LRP1B: variants seen among roughly 807,000 people sequenced by gnomAD.
LRP1B encodes low-density lipoprotein receptor-related protein 1B.
A neutral mutation model predicts 556.6 loss-of-function variants in LRP1B; 217 were observed. The observed-to-expected ratio is 0.39, with a 90% CI of 0.35 to 0.44. The LOEUF is 0.44. Among genes scored for constraint, LRP1B ranks in the 20% least tolerant of loss-of-function variants. The pLI, the probability that LRP1B is intolerant of heterozygous loss-of-function variation, is 1.00. For synonymous variants in LRP1B, 2,047 were observed against 1,865.8 expected (o/e 1.10, Z -2.50); for missense variants, 5,053 against 5,620.8 (o/e 0.90, Z 3.23).
intron 7 of LRP1B, among the ~76,000 whole-genome samples, chr2:141,115,125 G>A (rs1378295365): frequency 1.4e-5 from 2 of 147,054 alleles, no homozygotes; most frequent in Non-Finnish European, 3.0e-5. Flanking sequence ...AGTGGATAAT[G>A]TTCTTTGGTC....
At chr2:141,629,368 C>G (rs866691452) in intron 2 of LRP1B, among the ~76,000 whole-genome samples, 7 of 152,132 alleles carry the variant, frequency 4.6e-5, no homozygotes, top group Non-Finnish European at 1.0e-4. Flanking sequence ...AGCTAAACCC[C>G]CCTACACTAA....
At chr2:140,852,909 A>G (rs1214440163) in intron 27 of LRP1B, among the ~76,000 whole-genome samples, 1 of 151,952 alleles carries the variant, frequency 6.6e-6, no homozygotes, top group African/African-American at 2.4e-5. Flanking sequence ...ATCTAGTAGA[A>G]AAAAGTCACT....
At chr2:141,120,284 G>A (rs1488359811) in intron 7 of LRP1B, among the ~76,000 whole-genome samples, 1 of 151,860 alleles carries the variant, frequency 6.6e-6, no homozygotes, top group South Asian at 2.1e-4. Flanking sequence ...TTGTTGTTGA[G>A]AATTTAATAG....
At chr2:140,481,622 T>TA (rs70985100) in intron 59 of LRP1B, among the ~76,000 whole-genome samples, 1 of 148,194 alleles carries the variant, frequency 6.7e-6, no homozygotes, top group Non-Finnish European at 1.5e-5. Context: ...TTATTATTAT[T>TA]TGGGAACTCC....
intron 3 of LRP1B, among the ~76,000 whole-genome samples, chr2:141,263,415 T>C (rs1684773673): frequency 6.6e-6 from 1 of 151,860 alleles, no homozygotes; most frequent in Non-Finnish European, 1.5e-5. Flanking sequence ...TTAGAGGAAA[T>C]AGAGAAGTTT....
In LRP1B at chr2:140,238,196, C is replaced by A; in HGVS notation, c.13516G>T (p.Asp4506Tyr). The change falls in exon 89 of 91, where the codon GAT (aspartate) becomes TAT (tyrosine). Residue 4506 changes from aspartate to tyrosine, a missense_variant. Asp to Tyr is a radical substitution (Grantham distance 160, BLOSUM62 -3). Around this residue, in one of 5 missense-constraint regions of LRP1B, gnomAD observed 551 missense variants for 592.0 expected, o/e 0.93. Transcript: ENST00000389484. The stretch of plus-strand genomic sequence containing the variant: ...AAGCCAGGATCTAAAAGACCTCCAT[C>A]GTTGTGATCATGATCTACCTCATAC... ...NMYEVDHDHN[D>Y]GGLLDPGFMI... 6.2e-7 allele frequency: 1 copy of A among 1,605,352 alleles called. No homozygotes were observed. The highest frequency in any genetic ancestry group is 8.5e-7 in the Non-Finnish European group (1 of 1,174,540).
At chr2:140,982,354 T>G in intron 17 of LRP1B, 78 bp from the exon 18 acceptor site, 1 of 847,440 alleles carries the variant, frequency 1.2e-6, no homozygotes, top group Non-Finnish European at 2.0e-6. Flanking sequence ...GCATGCAATA[T>G]TCCTTTCATA....
chr2:140,564,719 A>C (rs1052386485), intron 43 of LRP1B, among the ~76,000 whole-genome samples: 1 of 152,106 alleles, frequency 6.6e-6, no homozygotes, highest in Non-Finnish European at 1.5e-5. Context: ...TAGAGAAACA[A>C]ATATATACAG....
chr2:142,075,553 C>T (rs906101130), intron 1 of LRP1B, among the ~76,000 whole-genome samples: 1 of 152,056 alleles, frequency 6.6e-6, no homozygotes, highest in African/African-American at 2.4e-5. Flanking sequence ...CACAGGGTCA[C>T]GTACATGAGG....
At chr2:140,732,512 G>C (rs1197502088) in intron 35 of LRP1B, among the ~76,000 whole-genome samples, 1 of 152,050 alleles carries the variant, frequency 6.6e-6, no homozygotes, top group Non-Finnish European at 1.5e-5. Context: ...ACATGAGCTA[G>C]GTTTTGGATA....
intron 2 of LRP1B, among the ~76,000 whole-genome samples, chr2:141,776,021 T>C (rs1695059098): frequency 6.6e-6 from 1 of 151,652 alleles, no homozygotes; most frequent in Non-Finnish European, 1.5e-5. Flanking sequence ...TTTTTTTTTG[T>C]ATTTTTAGTA....
chr2:141,245,841 T>A (rs1466089423), intron 5 of LRP1B, among the ~76,000 whole-genome samples: 1 of 152,174 alleles, frequency 6.6e-6, no homozygotes, highest in Non-Finnish European at 1.5e-5. Flanking sequence ...ATTTTAGTAA[T>A]TTTAATTAGC....
intron 1 of LRP1B, among the ~76,000 whole-genome samples, chr2:142,086,124 G>A (rs994675088): frequency 3.9e-5 from 6 of 152,132 alleles, no homozygotes; most frequent in Non-Finnish European, 7.4e-5. Context: ...GGTGTATCTA[G>A]AACTGTCTCA....
Position 141,652,955 on chromosome 2 carries a change from T to C in LRP1B, c.205+157324A>G, listed in dbSNP as rs577498524. 3.5e-4 allele frequency among the ~76,000 whole-genome samples: 54 copies of C among 152,254 alleles called. No individual in the cohort carries two copies. The South Asian group carries it at 0.011, about 30-fold the overall frequency. On this transcript the variant is annotated intron_variant, in intron 2 of 90. Coordinates refer to ENST00000389484, the MANE Select transcript of LRP1B (RefSeq NM_018557.3). ...CCAGAATACCAGGGGTGTTTGTAGG[T>C]GGGATAATAATTATTTTGGGTTGTG...
At chr2:140,269,523 A>G (rs946822270) in intron 86 of LRP1B, 5 of 374,490 alleles carry the variant, frequency 1.3e-5, no homozygotes, top group Middle Eastern at 5.9e-4. Flanking sequence ...AAACACACTC[A>G]TCACATGCTA....
chr2:140,373,163 C>A, intron 68 of LRP1B, 26 bp from the exon 69 acceptor site: 2 of 1,606,320 alleles, frequency 1.2e-6, no homozygotes, highest in South Asian at 1.1e-5. Flanking sequence ...GAGATATAAT[C>A]AAAATTAAAA....
chr2:140,231,781 C>T lies in LRP1B; in HGVS notation c.*1405G>A, dbSNP rs1680482333. ...GAGCAACCACATATTTAACATATTT[C>T]ATCTGTTAGGTTAATACATTATGAC... On this transcript the variant is annotated 3_prime_UTR_variant, in exon 91 of 91. Transcript: ENST00000389484. 1 of 151,722 alleles carries T rather than the reference C, an allele frequency of 6.6e-6. No individual in the cohort carries two copies. The highest frequency in any genetic ancestry group is 2.4e-5 in the African/African-American group (1 of 41,412). The allele number at this position is 151,722 out of a possible 1,614,324, so 9.4% of individuals were successfully genotyped here.
rs140681458 is a variant in LRP1B, at chr2:141,571,252, C to T, written c.206-90719G>A. On this transcript the variant is annotated intron_variant, in intron 2 of 90. Coordinates refer to ENST00000389484, the MANE Select transcript of LRP1B (RefSeq NM_018557.3). ...AGCCCGCTTGAGTGACATCTCCAGG[C>T]ACAGGAGTGAATCAGATGAATAGGG... is the stretch of plus-strand genomic sequence containing the variant. Among the ~76,000 whole-genome samples the T allele has an allele frequency of 2.0e-3, 297 of 150,972 alleles. 4 individuals are homozygous for T. Among genetic ancestry groups the T allele is most frequent in the African/African-American group, 6.9e-3 (285 of 41,440 alleles).
chr2:141,359,813 A>G (rs1336181026), intron 3 of LRP1B, among the ~76,000 whole-genome samples: 1 of 143,490 alleles, frequency 7.0e-6, no homozygotes, highest in East Asian at 2.0e-4. Flanking sequence ...AAATATATCA[A>G]TATCTATGAG....
Sources: gnomAD v4.1 joint callset for allele counts (sites outside exome capture counted in the v4.1 genomes callset) on GRCh38, gnomAD v4.1.1 for gene constraint, gnomAD v4.1.1 regional missense constraint, MANE v1.5 for transcripts, NCBI Gene and HGNC (gene_info 2026-07-23, HGNC 2026-07-21) for gene names.